The following LEKR1 variants were observed in gnomAD, a reference collection of about 807,000 sequenced individuals.
The protein encoded by LEKR1 is protein LEKR1.
In LEKR1, 59 loss-of-function variants were observed where a neutral mutation model predicts 72.4. That is an observed-to-expected ratio of 0.82 (90% CI 0.66 to 1.01). The LOEUF is 1.01. Ranked by LOEUF, LEKR1 falls within the 50% of genes least tolerant of loss-of-function variation. The pLI is 0.00. For synonymous variants in LEKR1, 257 were observed against 263.2 expected (o/e 0.98, Z 0.23); for missense variants, 728 against 759.2 (o/e 0.96, Z 0.48).
chr3:157,001,118 C>T (rs1011947248), intron 9 of LEKR1, among the ~76,000 whole-genome samples: 3 of 152,244 alleles, frequency 2.0e-5, no homozygotes, highest in South Asian at 2.1e-4. Flanking sequence ...TAAATTACCC[C>T]GTCTCAGGTA....
chr3:156,920,864 T>G, intron 4 of LEKR1, 170 bp downstream of exon 4: 1 of 435,840 alleles, frequency 2.3e-6, no homozygotes, highest in East Asian at 4.2e-5. Context: ...TCTCAATGAA[T>G]AGTGTTGCTA....
intron 4 of LEKR1, among the ~76,000 whole-genome samples, chr3:156,922,138 A>G (rs1004838115): frequency 6.6e-6 from 1 of 152,196 alleles, no homozygotes; most frequent in Admixed American, 6.5e-5. Flanking sequence ...TACAAATTAC[A>G]GTTTGTAATA....
intron 12 of LEKR1, among the ~76,000 whole-genome samples, chr3:157,028,760 G>C (rs1420184299): frequency 6.6e-6 from 1 of 152,084 alleles, no homozygotes; most frequent in Non-Finnish European, 1.5e-5. Flanking sequence ...TAAACTTTTA[G>C]AGAACTTTCT....
intron 3 of LEKR1, among the ~76,000 whole-genome samples, chr3:156,874,971 A>G (rs1051287478): frequency 1.3e-5 from 2 of 152,072 alleles, no homozygotes; most frequent in Non-Finnish European, 2.9e-5. Context: ...TATTTTTGCA[A>G]TTGTGAATTG....
At chr3:156,993,317 T>G (rs1672558742) in intron 9 of LEKR1, 40 bp downstream of exon 9, 2 of 1,338,792 alleles carry the variant, frequency 1.5e-6, no homozygotes, top group African/African-American at 2.9e-5. Flanking sequence ...CATTTTATGT[T>G]TAAGTTAGTA....
intron 10 of LEKR1, among the ~76,000 whole-genome samples, chr3:157,013,094 A>G (rs79392408): frequency 6.6e-6 from 1 of 152,212 alleles, no homozygotes; most frequent in East Asian, 1.9e-4. Flanking sequence ...TTGGAAAGCA[A>G]TTTGTCAATA....
chr3:156,974,200 G>A (rs1238677891), intron 6 of LEKR1, among the ~76,000 whole-genome samples: 1 of 152,138 alleles, frequency 6.6e-6, no homozygotes, highest in East Asian at 1.9e-4. Context: ...TCAGAGCAGA[G>A]TGAATCATAT....
In LEKR1 at chr3:157,030,550, G is replaced by A. The variant is rs947896216; in HGVS notation, c.1668+2148G>A. ...TAAAAAAAGCATAGACTGAAAGCTC[G>A]AACATTTGCATGAAGAGCCTGTATA... On this transcript the variant is annotated intron_variant, in intron 12 of 12. Coordinates refer to ENST00000356539, the MANE Select transcript of LEKR1 (RefSeq NM_001004316.3). 5.3e-5 allele frequency among the ~76,000 whole-genome samples: 8 copies of A among 152,172 alleles called. No homozygotes were observed. The East Asian group carries it at 9.6e-4, about 18-fold the overall frequency.
intron 7 of LEKR1, among the ~76,000 whole-genome samples, chr3:156,982,576 T>G (rs1576944168): frequency 6.6e-6 from 1 of 152,142 alleles, no homozygotes; most frequent in South Asian, 2.1e-4. Context: ...TAATTGGAAC[T>G]CTGATGGGCA....
chr3:156,996,057 G>A (rs1421704034), intron 9 of LEKR1, among the ~76,000 whole-genome samples: 1 of 152,002 alleles, frequency 6.6e-6, no homozygotes, highest in Admixed American at 6.6e-5. Flanking sequence ...GGGTAATTCA[G>A]CCAGTCTGTC....
At chr3:156,835,938 A>G (rs1490024354) in intron 2 of LEKR1, among the ~76,000 whole-genome samples, 3 of 129,494 alleles carry the variant, frequency 2.3e-5, no homozygotes, top group African/African-American at 8.6e-5. Flanking sequence ...CAGTGGTGCA[A>G]TCTCGACTCA....
intron 7 of LEKR1, among the ~76,000 whole-genome samples, chr3:156,985,727 C>T (rs1026977120): frequency 4.0e-5 from 6 of 151,448 alleles, no homozygotes; most frequent in African/African-American, 4.9e-5. Context: ...TCCAGCTACT[C>T]AGGAGGCTGA....
At chr3:156,930,430 A>G (rs1227153232) in intron 5 of LEKR1, among the ~76,000 whole-genome samples, 1 of 152,126 alleles carries the variant, frequency 6.6e-6, no homozygotes, top group African/African-American at 2.4e-5. Flanking sequence ...CATGACAACT[A>G]GAGTCTAAAG....
At chr3:156,858,733 A>G (rs374268391) in intron 3 of LEKR1, among the ~76,000 whole-genome samples, 4 of 151,306 alleles carry the variant, frequency 2.6e-5, no homozygotes, top group Non-Finnish European at 4.4e-5. Flanking sequence ...TTTTCTTTCT[A>G]CTTACTTGAG....
intron 12 of LEKR1, among the ~76,000 whole-genome samples, chr3:157,037,536 A>G (rs1337089966): frequency 6.6e-6 from 1 of 152,162 alleles, no homozygotes; most frequent in Non-Finnish European, 1.5e-5. Flanking sequence ...AAATTAAGAC[A>G]AAGCAGATTC....
At chr3:157,035,266 A>G (rs1225051848) in intron 12 of LEKR1, among the ~76,000 whole-genome samples, 1 of 152,154 alleles carries the variant, frequency 6.6e-6, no homozygotes, top group Admixed American at 6.6e-5. Context: ...CTGTATGCCT[A>G]TGCCTCTGAA....
chr3:156,953,777 A>G (rs1727382039), intron 6 of LEKR1, among the ~76,000 whole-genome samples: 1 of 151,928 alleles, frequency 6.6e-6, no homozygotes, highest in Non-Finnish European at 1.5e-5. Context: ...ATTGATGGAC[A>G]TTTAGGTTGA....
At chr3:157,016,373 A>AT (rs917211168) in intron 10 of LEKR1, among the ~76,000 whole-genome samples, 16 of 152,102 alleles carry the variant, frequency 1.1e-4, no homozygotes, top group African/African-American at 3.1e-4. Context: ...GAGACAGCAG[A>AT]TTTTTTTTAA....
chr3:156,959,300 A>G (rs972476194), intron 6 of LEKR1, among the ~76,000 whole-genome samples: 2 of 152,210 alleles, frequency 1.3e-5, no homozygotes, highest in African/African-American at 4.8e-5. Context: ...TAAAGAATAT[A>G]TTAGAAATCA....
Sources: allele counts gnomAD v4.1 joint callset (sites outside exome capture counted in the v4.1 genomes callset), GRCh38; gene constraint gnomAD v4.1.1; transcripts MANE v1.5; gene names NCBI Gene and HGNC (gene_info 2026-07-23, HGNC 2026-07-21).